The following DAB2IP variants were observed in gnomAD, a reference collection of about 807,000 sequenced individuals.
DAB2IP encodes the protein DAB2 interacting protein.
DAB2IP carries 28 observed loss-of-function variants against 107.2 expected under a neutral mutation model. The ratio of observed to expected loss-of-function variants is 0.26; its 90% CI spans 0.19 to 0.36. The LOEUF (loss-of-function observed/expected upper bound fraction) is 0.36, where lower values mean the gene tolerates loss of function less well. Ranked by LOEUF, DAB2IP falls within the 10% of genes least tolerant of loss-of-function variation. DAB2IP has a pLI of 1.00. For missense variants in DAB2IP, 1,400 were observed against 1,644.7 expected (o/e 0.85, Z 2.57); for synonymous variants, 755 against 706.4 (o/e 1.07, Z -1.09).
intron 2 of DAB2IP, among the ~76,000 whole-genome samples, chr9:121,692,463 G>A (rs1264626555): frequency 1.3e-5 from 2 of 152,186 alleles, no homozygotes; most frequent in African/African-American, 2.4e-5. Flanking sequence ...ATGAGAACAT[G>A]TTTAAGTGTG....
chr9:121,783,058 T>A, exon 16 of DAB2IP: 1 of 1,029,560 alleles, frequency 9.7e-7, no homozygotes, highest in Non-Finnish European at 1.2e-6. Context: ...CCTGTCTCCA[T>A]CCGAAGCACC....
intron 1 of DAB2IP, among the ~76,000 whole-genome samples, chr9:121,609,330 G>A (rs1831002321): frequency 6.6e-6 from 1 of 152,188 alleles, no homozygotes; most frequent in Non-Finnish European, 1.5e-5. Flanking sequence ...GGAGGAGGTA[G>A]TGGCTGAAGT....
intron 1 of DAB2IP, among the ~76,000 whole-genome samples, chr9:121,654,714 A>G (rs146315122): frequency 6.6e-6 from 1 of 152,176 alleles, no homozygotes; most frequent in East Asian, 1.9e-4. Flanking sequence ...GTCCCTTCTG[A>G]CCTTGAACTT....
rs528364664 is a variant in DAB2IP at position 121,569,244 on chromosome 9, C to T, written c.40+2016C>T. Among the ~76,000 whole-genome samples the T allele has an allele frequency of 2.6e-5, 4 of 152,346 alleles. No homozygotes were observed. The East Asian group carries it at 7.7e-4, about 29-fold the overall frequency. On this transcript the variant is annotated intron_variant, in intron 1 of 16. Transcript: ENST00000259371. ...GTCTGAGCCCCGGTTCTACATTCAT[C>T]AATTTAACAATTACTTTCAGGTTCT... is the stretch of plus-strand genomic sequence containing the variant.
rs757789501 is a variant in DAB2IP, at chr9:121,662,809, C to G, written c.124+10910C>G. Among the ~76,000 whole-genome samples, 23 of 152,148 alleles carry G rather than the reference C, an allele frequency of 1.5e-4. No individual in the cohort carries two copies. Among genetic ancestry groups the G allele is most frequent in the Non-Finnish European group, 2.8e-4 (19 of 68,026 alleles). On this transcript the variant is annotated intron_variant, in intron 1 of 15. Coordinates refer to ENST00000408936, the Ensembl canonical transcript of DAB2IP. The surrounding 1 kb of genome is among the most constrained non-coding windows in gnomAD (Gnocchi z 4.6). ...TGAAATTGCACATGGCAGAGAGGAG[C>G]AAACACATATGGACACCCTGAGACC... is the stretch of plus-strand genomic sequence containing the variant.
At chr9:121,609,707 T>C (rs1831022547) in intron 1 of DAB2IP, among the ~76,000 whole-genome samples, 1 of 152,206 alleles carries the variant, frequency 6.6e-6, no homozygotes. Flanking sequence ...ATTAGGGGGA[T>C]AGAGGCCTGG....
chr9:121,715,422 G>A (rs1479857559), intron 3 of DAB2IP, among the ~76,000 whole-genome samples: 1 of 150,078 alleles, frequency 6.7e-6, no homozygotes, highest in Admixed American at 6.6e-5. Flanking sequence ...GCAGGATCTC[G>A]GCTCACTGCA....
intron 2 of DAB2IP, among the ~76,000 whole-genome samples, chr9:121,697,837 G>C (rs1246081266): frequency 6.6e-6 from 1 of 152,214 alleles, no homozygotes; most frequent in Non-Finnish European, 1.5e-5. Flanking sequence ...GGAAAAGGCA[G>C]AAGGAGAAAG....
At chr9:121,602,757 A>G (rs1377911470) in intron 1 of DAB2IP, among the ~76,000 whole-genome samples, 1 of 151,850 alleles carries the variant, frequency 6.6e-6, no homozygotes, top group East Asian at 1.9e-4. Flanking sequence ...TTGTATTTTT[A>G]GTGGAGACAG....
intron 3 of DAB2IP, among the ~76,000 whole-genome samples, chr9:121,700,976 G>A (rs1348218450): frequency 1.3e-5 from 2 of 152,208 alleles, no homozygotes; most frequent in Non-Finnish European, 2.9e-5. Flanking sequence ...TTATTGTCTG[G>A]GCGGCAGGCC....
intron 1 of DAB2IP, among the ~76,000 whole-genome samples, chr9:121,602,857 G>A (rs1000508003): frequency 1.3e-4 from 20 of 152,202 alleles, no homozygotes; most frequent in Admixed American, 8.5e-4. Flanking sequence ...TTACAGGCGT[G>A]AGCCACCGCG....
intron 1 of DAB2IP, among the ~76,000 whole-genome samples, chr9:121,597,009 G>A (rs1830545349): frequency 6.6e-6 from 1 of 152,044 alleles, no homozygotes; most frequent in African/African-American, 2.4e-5. Context: ...ATGTTTATTG[G>A]CCATTCATGT....
intron 1 of DAB2IP, among the ~76,000 whole-genome samples, chr9:121,666,915 CA>C (rs373726250): frequency 2.6e-3 from 347 of 131,836 alleles, no homozygotes; most frequent in African/African-American, 6.8e-3. Context: ...CACACACACA[CA>C]ACACTCTTAA....
chr9:121,776,152 C>T lies in DAB2IP; in HGVS notation c.3121-46C>T. The stretch of plus-strand genomic sequence containing the variant: ...CCACTCGGGCTGACGAAGCTGTGCT[C>T]TCTGTGTCCTGGGTGCTGTGCCCGT... On this transcript the variant is annotated intron_variant, in intron 13 of 15. Transcript: ENST00000408936. This position sits in a 1 kb window ranked among gnomAD's most constrained non-coding sequence, Gnocchi z 5.4. The T allele has an allele frequency of 6.5e-7, 1 of 1,550,038 alleles. No homozygotes were observed.
At chr9:121,703,297 A>T (rs1166052631) in intron 3 of DAB2IP, among the ~76,000 whole-genome samples, 2 of 152,156 alleles carry the variant, frequency 1.3e-5, no homozygotes, top group Non-Finnish European at 2.9e-5. Flanking sequence ...TTCCTGCTTT[A>T]GTTGCTGACA....
At chr9:121,665,670 A>C (rs542586996) in intron 1 of DAB2IP, among the ~76,000 whole-genome samples, 1 of 152,242 alleles carries the variant, frequency 6.6e-6, no homozygotes, top group Non-Finnish European at 1.5e-5. Flanking sequence ...AAGGTATCCT[A>C]TATTTTTGTG....
chr9:121,567,321 G>A, intron 1 of DAB2IP: 1 of 1,581,770 alleles, frequency 6.3e-7, no homozygotes, highest in Non-Finnish European at 8.7e-7. Flanking sequence ...TTGAAGCAGG[G>A]AGGCAGTCAG....
chr9:121,651,902 A>G lies in DAB2IP; in HGVS notation c.124+3A>G. The G allele has an allele frequency of 7.2e-7, 1 of 1,391,086 alleles. No homozygotes were observed. The highest frequency in any genetic ancestry group is 2.6e-5 in the Admixed American group (1 of 39,076). 86.2% of individuals were successfully genotyped at this position (1,391,086 alleles called of 1,614,324 possible). A position where few individuals can be genotyped will look rare whatever the true frequency, so the allele number is the denominator to read the frequency against. ...CAGCCGGACCCGGCCTGCCAGGGGT[A>G]GGCGCCACCCCGACCCCTGACCCCT... On this transcript the variant is annotated splice_donor_region_variant and intron_variant, in intron 1 of 15. Transcript: ENST00000408936. The surrounding 1 kb of genome is among the most constrained non-coding windows in gnomAD (Gnocchi z 5.1).
At chr9:121,715,248 G>C (rs941270406) in intron 3 of DAB2IP, among the ~76,000 whole-genome samples, 16 of 152,192 alleles carry the variant, frequency 1.1e-4, no homozygotes, top group Non-Finnish European at 1.6e-4. Flanking sequence ...TAGAAAGGGG[G>C]AACCCTCAAC....
Sources: gnomAD v4.1 joint callset for allele counts (sites outside exome capture counted in the v4.1 genomes callset) on GRCh38, gnomAD v4.1.1 for gene constraint, Gnocchi (gnomAD v3.1) non-coding constraint, MANE v1.5 for transcripts, NCBI Gene and HGNC (gene_info 2026-07-23, HGNC 2026-07-21) for gene names.